The following SLC25A14 variants were observed in gnomAD, a reference collection of about 807,000 sequenced individuals.
SLC25A14 encodes the protein brain mitochondrial carrier protein 1.
SLC25A14 carries 8 observed loss-of-function variants against 28.1 expected under a neutral mutation model. The observed-to-expected ratio is 0.28, with a 90% CI of 0.17 to 0.51. The LOEUF is 0.51. Among genes scored for constraint, SLC25A14 ranks in the 20% least tolerant of loss-of-function variants. The pLI, the probability that SLC25A14 is intolerant of heterozygous loss-of-function variation, is 0.97. For synonymous variants in SLC25A14, 74 were observed against 90.6 expected (o/e 0.82, Z 1.04); for missense variants, 135 against 263.8 (o/e 0.51, Z 3.38).
At chrX:130,364,826 A>T (rs2034075095) in intron 8 of SLC25A14, 74 bp downstream of exon 8, 1 of 1,161,008 alleles carries the variant, frequency 8.6e-7, no homozygotes. Flanking sequence ...TGAAATCCTC[A>T]GGTGGAATTT....
rs765237343 is a variant in SLC25A14 at position 130,354,387 on chromosome X, A to G, written c.498+3656A>G. Reference sequence around the variant, plus strand: ...CTTGGCCTCCCAAAGTGCTGGGATTACAGGCGTGAGCCACCGTGCCCGACC... The same window carrying G: ...CTTGGCCTCCCAAAGTGCTGGGATTGCAGGCGTGAGCCACCGTGCCCGACC... On this transcript the variant is annotated intron_variant, in intron 6 of 10. Coordinates refer to ENST00000545805, the MANE Select transcript of SLC25A14 (RefSeq NM_001282195.2). 5.3e-5 allele frequency among the ~76,000 whole-genome samples: 6 copies of G among 112,336 alleles called. No homozygotes were observed. The Admixed American group carries it at 5.6e-4, about 11-fold the overall frequency.
chrX:130,367,338 A>G (rs1368190067), intron 9 of SLC25A14, among the ~76,000 whole-genome samples: 4 of 111,803 alleles, frequency 3.6e-5, no homozygotes, highest in Non-Finnish European at 7.5e-5. Flanking sequence ...AAGAGGTGTC[A>G]AAGATAAGTT....
intron 3 of SLC25A14, among the ~76,000 whole-genome samples, chrX:130,345,626 G>A (rs2033410721): frequency 9.0e-6 from 1 of 111,662 alleles, no homozygotes; most frequent in Non-Finnish European, 1.9e-5. Context: ...TATTTGTACT[G>A]AAAGTCCTTT....
chrX:130,353,419 T>C (rs754638060), intron 6 of SLC25A14, among the ~76,000 whole-genome samples: 1 of 111,537 alleles, frequency 9.0e-6, no homozygotes, highest in Non-Finnish European at 1.9e-5. Flanking sequence ...TTGTTAGAAA[T>C]GCAAATTATC....
At chrX:130,372,463 A>T (rs1465204064) in intron 10 of SLC25A14, among the ~76,000 whole-genome samples, 3 of 97,800 alleles carry the variant, frequency 3.1e-5, no homozygotes, top group African/African-American at 1.2e-4. Context: ...TTATTTATTT[A>T]TTTTTATTTT....
chrX:130,371,882 C>T (rs886121912), intron 10 of SLC25A14, among the ~76,000 whole-genome samples: 1 of 112,152 alleles, frequency 8.9e-6, no homozygotes, highest in Non-Finnish European at 1.9e-5. Flanking sequence ...ACAACAAACA[C>T]AGCTAATCTG....
At chrX:130,341,622 T>A (rs1469252310) in intron 2 of SLC25A14, among the ~76,000 whole-genome samples, 1 of 112,299 alleles carries the variant, frequency 8.9e-6, no homozygotes. Context: ...TTGTAGGACA[T>A]TCTTACTTTC....
chrX:130,370,818 G>A (rs2034245025), intron 9 of SLC25A14, among the ~76,000 whole-genome samples: 1 of 112,317 alleles, frequency 8.9e-6, no homozygotes, highest in African/African-American at 3.2e-5. Flanking sequence ...AGAAACTGCT[G>A]TATAGGTTAC....
chrX:130,353,907 C>T (rs982865032), intron 6 of SLC25A14, among the ~76,000 whole-genome samples: 37 of 111,620 alleles, frequency 3.3e-4, no homozygotes, highest in African/African-American at 1.2e-3. Flanking sequence ...CTAATTCCTT[C>T]TACTAGAAGT....
At chrX:130,362,746 A>G (rs182236499) in intron 7 of SLC25A14, among the ~76,000 whole-genome samples, 4 of 112,266 alleles carry the variant, frequency 3.6e-5, no homozygotes, top group African/African-American at 1.3e-4. Flanking sequence ...GTGACTTTTA[A>G]TGCTCTAGCA....
intron 9 of SLC25A14, among the ~76,000 whole-genome samples, chrX:130,370,695 A>T (rs2034241564): frequency 9.0e-6 from 1 of 111,380 alleles, no homozygotes; most frequent in Non-Finnish European, 1.9e-5. Context: ...GACTTGCCCA[A>T]CTTTCTATTT....
intron 2 of SLC25A14, among the ~76,000 whole-genome samples, chrX:130,342,264 C>T (rs2033282882): frequency 8.9e-6 from 1 of 111,760 alleles, no homozygotes; most frequent in East Asian, 2.8e-4. Flanking sequence ...AGGTGTGACA[C>T]AACACGCATG....
rs1303157470 is a variant in SLC25A14 at position 130,346,209 on chromosome X, A to G, written c.170-335A>G. 4.5e-5 allele frequency among the ~76,000 whole-genome samples: 5 copies of G among 111,131 alleles called. No homozygotes were observed. In the East Asian group the frequency reaches 1.4e-3, roughly 31 times the overall value. On this transcript the variant is annotated intron_variant, in intron 3 of 10. Coordinates refer to ENST00000545805, the MANE Select transcript of SLC25A14 (RefSeq NM_001282195.2). ...GAGACTTGGGGTGGGAAGGGGCAGG[A>G]GGGAGACTGATAAATGCCAGATTAT... is the stretch of plus-strand genomic sequence containing the variant.
intron 6 of SLC25A14, among the ~76,000 whole-genome samples, chrX:130,356,766 TG>T (rs1569453544): frequency 1.8e-5 from 2 of 111,986 alleles, no homozygotes; most frequent in Non-Finnish European, 3.8e-5. Context: ...AGATCATCTT[TG>T]ATTCTTCTAT....
chrX:130,373,061 T>A lies in SLC25A14; in HGVS notation c.*111T>A. The stretch of plus-strand genomic sequence containing the variant: ...GTAAGTGTTTACCAAGCCGTTGGTC[T>A]CCTAAGGGCCTCCTGATGGAAGAAC... On this transcript the variant is annotated 3_prime_UTR_variant, in exon 11 of 11. Coordinates refer to ENST00000545805, the MANE Select transcript of SLC25A14 (RefSeq NM_001282195.2). 1 of 557,419 alleles carries A rather than the reference T, an allele frequency of 1.8e-6. No homozygotes were observed. The highest frequency in any genetic ancestry group is 3.0e-6 in the Non-Finnish European group (1 of 337,780). 45.9% of individuals were successfully genotyped at this position (557,419 alleles called of 1,213,427 possible). A position where few individuals can be genotyped will look rare whatever the true frequency, so the allele number is the denominator to read the frequency against.
At chrX:130,368,058 C>T (rs2034164950) in intron 9 of SLC25A14, among the ~76,000 whole-genome samples, 1 of 112,579 alleles carries the variant, frequency 8.9e-6, no homozygotes, top group South Asian at 3.6e-4. Context: ...GGATTACAGG[C>T]GTGAGCCACC....
chrX:130,356,652 T>C (rs1298255936), intron 6 of SLC25A14, among the ~76,000 whole-genome samples: 1 of 111,789 alleles, frequency 8.9e-6, no homozygotes, highest in African/African-American at 3.3e-5. Flanking sequence ...TCTGAAGGAC[T>C]TGGTTCCATG....
intron 7 of SLC25A14, 139 bp from the exon 8 acceptor site, chrX:130,364,489 T>C (rs1413484160): frequency 2.8e-6 from 1 of 353,900 alleles, no homozygotes; most frequent in Non-Finnish European, 4.9e-6. Flanking sequence ...CCATTATTAG[T>C]CATTGATTTG....
intron 4 of SLC25A14, among the ~76,000 whole-genome samples, chrX:130,348,862 A>G (rs1275185490): frequency 1.1e-5 from 1 of 92,263 alleles, no homozygotes; most frequent in Non-Finnish European, 2.1e-5. Flanking sequence ...GCTGCATCTC[A>G]TACATTTTAA....
Sources: gnomAD v4.1 joint callset for allele counts (sites outside exome capture counted in the v4.1 genomes callset) on GRCh38, gnomAD v4.1.1 for gene constraint, MANE v1.5 for transcripts, NCBI Gene and HGNC (gene_info 2026-07-23, HGNC 2026-07-21) for gene names.